Variants in NAALADL2 observed in about 807,000 individuals in gnomAD.
NAALADL2 encodes the protein inactive N-acetylated-alpha-linked acidic dipeptidase-like protein 2.
NAALADL2 carries 76 observed loss-of-function variants against 87.2 expected under a neutral mutation model. That is an observed-to-expected ratio of 0.87 (90% CI 0.72 to 1.05). NAALADL2 has a LOEUF of 1.05. Ranked by LOEUF, NAALADL2 falls within the 50% of genes least tolerant of loss-of-function variation. NAALADL2 has a pLI of 0.00. For synonymous variants in NAALADL2, 354 were observed against 331.0 expected, an observed-to-expected ratio of 1.07 and a Z score of -0.75; for missense variants, 1,089 against 945.8, an observed-to-expected ratio of 1.15 and a Z score of -1.99.
chr3:174,792,524 T>C (rs1193812024), intron 3 of NAALADL2, among the ~76,000 whole-genome samples: 2 of 152,156 alleles, frequency 1.3e-5, no homozygotes, highest in Non-Finnish European at 2.9e-5. Flanking sequence ...TAGATGGCTG[T>C]GGCATCAATT....
intron 1 of NAALADL2, among the ~76,000 whole-genome samples, chr3:175,060,892 A>T (rs983606507): frequency 1.3e-5 from 2 of 152,184 alleles, no homozygotes; most frequent in Admixed American, 6.5e-5. Context: ...TACTAAAAAT[A>T]CAAAATTAGC....
chr3:175,264,480 T>C (rs1751591704), intron 4 of NAALADL2, among the ~76,000 whole-genome samples: 1 of 151,826 alleles, frequency 6.6e-6, no homozygotes, highest in East Asian at 1.9e-4. Context: ...ATATACTTAA[T>C]AAATCCATTA....
At chr3:174,641,296 G>T (rs979132568) in intron 2 of NAALADL2, among the ~76,000 whole-genome samples, 2 of 152,192 alleles carry the variant, frequency 1.3e-5, no homozygotes, top group African/African-American at 4.8e-5. Context: ...AGCCTGTGAG[G>T]CCCTGAGCGG....
chr3:174,664,484 A>G (rs1725787274), intron 2 of NAALADL2, among the ~76,000 whole-genome samples: 1 of 152,170 alleles, frequency 6.6e-6, no homozygotes, highest in African/African-American at 2.4e-5. Flanking sequence ...ATGACTTTTT[A>G]ATGACTGATT....
At chr3:174,935,226 G>C (rs2108440574) in intron 1 of NAALADL2, among the ~76,000 whole-genome samples, 1 of 152,232 alleles carries the variant, frequency 6.6e-6, no homozygotes, top group South Asian at 2.1e-4. Context: ...TTCTTCCAAT[G>C]TGTGGCTCTA....
intron 9 of NAALADL2, among the ~76,000 whole-genome samples, chr3:175,479,993 C>A (rs1212608512): frequency 6.6e-6 from 1 of 151,708 alleles, no homozygotes; most frequent in Admixed American, 6.6e-5. Context: ...TCAAACACTG[C>A]ACTGATGTAG....
intron 10 of NAALADL2, among the ~76,000 whole-genome samples, chr3:175,606,089 A>G (rs1723695089): frequency 6.6e-6 from 1 of 152,200 alleles, no homozygotes; most frequent in Non-Finnish European, 1.5e-5. Flanking sequence ...CTCAGAAGGG[A>G]CAAAGGGAAA....
chr3:174,873,012 T>A (rs1728034799), intron 1 of NAALADL2, among the ~76,000 whole-genome samples: 2 of 152,042 alleles, frequency 1.3e-5, no homozygotes, highest in Admixed American at 1.3e-4. Flanking sequence ...TGAATATAAT[T>A]TTCACCCATT....
chr3:174,824,021 A>T (rs905237858), intron 3 of NAALADL2, among the ~76,000 whole-genome samples: 3 of 152,150 alleles, frequency 2.0e-5, no homozygotes, highest in Non-Finnish European at 2.9e-5. Context: ...TTCATTTTTA[A>T]CACCTCCTAT....
chr3:175,351,887 A>G (rs1763814439), intron 5 of NAALADL2, among the ~76,000 whole-genome samples: 1 of 152,100 alleles, frequency 6.6e-6, no homozygotes, highest in Non-Finnish European at 1.5e-5. Context: ...AAGCAATTAC[A>G]TCATAGAAAT....
At position 174,787,599 on chromosome 3, in the gene NAALADL2, A is replaced by ATACATATATATATATATATATATATG. The variant is rs1560225659; in HGVS notation, c.-9+49855_-9+49856insCATATATATATATATATATATATGTA. ...ATCATATATATATATATATATATAT[A>ATACATATATATATATATATATATATG]TATATATATATATATATATATAGTA... is the stretch of plus-strand genomic sequence containing the variant. On this transcript the variant is annotated intron_variant, in intron 3 of 3. Coordinates refer to the NAALADL2 transcript ENST00000434257. Among the ~76,000 whole-genome samples the ATACATATATATATATATATATATATG allele has an allele frequency of 1.9e-4, 13 of 67,868 alleles. 1 individual carries two copies. The highest frequency in any genetic ancestry group is 6.8e-4 in the African/African-American group (13 of 19,180). The allele number at this position is 67,868 out of a possible 152,430, so 44.5% of individuals were successfully genotyped here.
chr3:175,195,817 T>G (rs1290362335), intron 2 of NAALADL2, among the ~76,000 whole-genome samples: 2 of 151,952 alleles, frequency 1.3e-5, no homozygotes, highest in African/African-American at 4.8e-5. Context: ...TCTTCAATGC[T>G]TCAATGGTAT....
chr3:175,322,295 C>G (rs1296729759), intron 4 of NAALADL2, among the ~76,000 whole-genome samples: 30 of 142,234 alleles, frequency 2.1e-4, no homozygotes, highest in Non-Finnish European at 4.2e-4. Context: ...ATGTAGAAAG[C>G]TGAAACTGGA....
chr3:175,665,390 C>T (rs1314252749), intron 11 of NAALADL2, among the ~76,000 whole-genome samples: 1 of 152,074 alleles, frequency 6.6e-6, no homozygotes, highest in Non-Finnish European at 1.5e-5. Context: ...AACCAAAAAA[C>T]GTGAATTAAA....
intron 4 of NAALADL2, among the ~76,000 whole-genome samples, chr3:175,323,741 G>C (rs1176345779): frequency 1.3e-5 from 2 of 151,838 alleles, no homozygotes; most frequent in African/African-American, 4.8e-5. Context: ...GAAAAGGCCG[G>C]GTGCAGTGGC....
chr3:175,581,458 T>C (rs926952806), intron 10 of NAALADL2, among the ~76,000 whole-genome samples: 2 of 152,082 alleles, frequency 1.3e-5, no homozygotes, highest in African/African-American at 4.8e-5. Flanking sequence ...AATAAATAAA[T>C]AAAGCCTGAA....
At chr3:174,792,319 G>T (rs974658601) in intron 3 of NAALADL2, among the ~76,000 whole-genome samples, 2 of 151,858 alleles carry the variant, frequency 1.3e-5, no homozygotes, top group African/African-American at 4.8e-5. Context: ...AGGGAAGGAA[G>T]GAAGGAAGGA....
intron 9 of NAALADL2, among the ~76,000 whole-genome samples, chr3:175,518,914 C>G (rs1472886502): frequency 6.6e-6 from 1 of 152,140 alleles, no homozygotes; most frequent in South Asian, 2.1e-4. Flanking sequence ...TACATAGGAG[C>G]CTTCAGAATA....
chr3:175,048,787 G>A (rs970801740), intron 1 of NAALADL2, among the ~76,000 whole-genome samples: 16 of 152,028 alleles, frequency 1.1e-4, no homozygotes, highest in African/African-American at 3.4e-4. Flanking sequence ...GTAACATTAA[G>A]GTTCTCTTTT....
Sources: gnomAD v4.1 joint callset for allele counts (sites outside exome capture counted in the v4.1 genomes callset) on GRCh38, gnomAD v4.1.1 for gene constraint, MANE v1.5 for transcripts, NCBI Gene and HGNC (gene_info 2026-07-23, HGNC 2026-07-21) for gene names.